Variants in NT5DC3 observed in about 807,000 individuals in gnomAD.
The protein encoded by NT5DC3 is 5'-nucleotidase domain-containing protein 3.
A neutral mutation model predicts 67.8 loss-of-function variants in NT5DC3; 42 were observed. That is an observed-to-expected ratio of 0.62 (90% CI 0.48 to 0.80). The LOEUF is 0.80. Among genes scored for constraint, NT5DC3 ranks in the 30% least tolerant of loss-of-function variants. NT5DC3 has a pLI of 0.00. For synonymous variants in NT5DC3, 237 were observed against 255.6 expected, an observed-to-expected ratio of 0.93 and a Z score of 0.69; for missense variants, 570 against 696.4, an observed-to-expected ratio of 0.82 and a Z score of 2.04.
the NT5DC3 span, among the ~76,000 whole-genome samples, chr12:103,756,993 G>GAAAAAAAAA: frequency 1.3e-4 from 2 of 15,270 alleles, no homozygotes; most frequent in African/African-American, 4.0e-4. Context: ...CAGAAGGAGG[G>GAAAAAAAAA]AAAATATATA....
rs563790849 is a variant in NT5DC3 at position 103,823,777 on chromosome 12, A to G, written c.209-8656T>C. On this transcript the variant is annotated intron_variant, in intron 1 of 13. Transcript: ENST00000392876. Reference sequence around the variant, plus strand: ...AAGCATAGGCATTTTTTGTTTCTACACTGAGGCAGTATTTACCCTTTCCAT... The same window carrying G: ...AAGCATAGGCATTTTTTGTTTCTACGCTGAGGCAGTATTTACCCTTTCCAT... Among the ~76,000 whole-genome samples the G allele has an allele frequency of 1.1e-4, 17 of 152,340 alleles. No homozygotes were observed. In the South Asian group the frequency reaches 3.5e-3, roughly 32 times the overall value.
intron 1 of NT5DC3, among the ~76,000 whole-genome samples, chr12:103,816,418 A>G (rs1887254826): frequency 6.6e-6 from 1 of 152,158 alleles, no homozygotes; most frequent in South Asian, 2.1e-4. Flanking sequence ...TTTCCTATTT[A>G]ATAAAAATAA....
At chr12:103,750,824 C>T in the NT5DC3 span, 1 of 1,419,480 alleles carries the variant, frequency 7.0e-7, no homozygotes, top group Non-Finnish European at 9.3e-7. Context: ...AGCCTGGTGG[C>T]TCAAGCCTGT....
chr12:103,797,918 A>G (rs74524744), intron 5 of NT5DC3, among the ~76,000 whole-genome samples: 14,243 of 152,272 alleles, frequency 0.094, 907 homozygotes, highest in East Asian at 0.25. Flanking sequence ...CAGAACATTT[A>G]TATTAGCCTA....
intron 6 of NT5DC3, among the ~76,000 whole-genome samples, chr12:103,795,695 ATATGT>A (rs1886281853): frequency 6.6e-6 from 1 of 151,994 alleles, no homozygotes; most frequent in Non-Finnish European, 1.5e-5. Flanking sequence ...ATTTTTATAA[ATATGT>A]TATAACTATG....
At chr12:103,781,856 A>G (rs1398324001) in intron 12 of NT5DC3, among the ~76,000 whole-genome samples, 2 of 152,220 alleles carry the variant, frequency 1.3e-5, no homozygotes, top group Non-Finnish European at 2.9e-5. Context: ...CACTTCAGCC[A>G]TCTCCATCTC....
At chr12:103,782,451 A>G (rs531403033) in intron 12 of NT5DC3, among the ~76,000 whole-genome samples, 1 of 152,358 alleles carries the variant, frequency 6.6e-6, no homozygotes, top group Admixed American at 6.5e-5. Flanking sequence ...GTTTATTGGG[A>G]CACAGCTACA....
intron 1 of NT5DC3, among the ~76,000 whole-genome samples, chr12:103,825,771 C>T (rs1052770124): frequency 2.0e-5 from 3 of 152,142 alleles, no homozygotes; most frequent in Non-Finnish European, 4.4e-5. Flanking sequence ...AAGACCCTAT[C>T]GAAGAGAAGA....
the NT5DC3 span, chr12:103,759,161 A>G: frequency 5.0e-6 from 8 of 1,614,090 alleles, no homozygotes; most frequent in Non-Finnish European, 5.9e-6. Flanking sequence ...ATCGAGCACC[A>G]CCTCGCCAAT....
chr12:103,838,085 A>T (rs1211247957), intron 1 of NT5DC3, among the ~76,000 whole-genome samples: 3 of 152,228 alleles, frequency 2.0e-5, no homozygotes. Context: ...TGGCGGCAGC[A>T]AGAGAATAAT....
the NT5DC3 span, among the ~76,000 whole-genome samples, chr12:103,751,325 C>T: frequency 0.018 from 2,763 of 152,166 alleles, 38 homozygotes; most frequent in South Asian, 0.029. Context: ...AGGATGAAGC[C>T]ATGAGGAAGA....
intron 1 of NT5DC3, among the ~76,000 whole-genome samples, chr12:103,834,010 G>A (rs1271492722): frequency 6.6e-6 from 1 of 152,052 alleles, no homozygotes; most frequent in African/African-American, 2.4e-5. Context: ...AACAGTTGAG[G>A]CCAGATAATT....
chr12:103,830,217 T>C (rs1887869440), intron 1 of NT5DC3, among the ~76,000 whole-genome samples: 1 of 152,246 alleles, frequency 6.6e-6, no homozygotes, highest in Non-Finnish European at 1.5e-5. Flanking sequence ...AGACATCATT[T>C]GCCTAAGGTC....
chr12:103,749,596 G>A, the NT5DC3 span, among the ~76,000 whole-genome samples: 5 of 151,486 alleles, frequency 3.3e-5, no homozygotes, highest in Admixed American at 6.6e-5. Flanking sequence ...TTGGGAGGCC[G>A]AGGCAGATGG....
chr12:103,751,563 G>A, the NT5DC3 span, among the ~76,000 whole-genome samples: 2 of 152,168 alleles, frequency 1.3e-5, no homozygotes, highest in African/African-American at 4.8e-5. Flanking sequence ...TCTAGGTACA[G>A]GGGCACTTCC....
intron 12 of NT5DC3, among the ~76,000 whole-genome samples, chr12:103,783,736 C>G (rs1162961113): frequency 6.6e-6 from 1 of 150,794 alleles, no homozygotes; most frequent in Non-Finnish European, 1.5e-5. Flanking sequence ...CTAAAACACA[C>G]ATTCCTTAGT....
At chr12:103,746,671 C>T in the NT5DC3 span, 1 of 1,614,038 alleles carries the variant, frequency 6.2e-7, no homozygotes, top group East Asian at 2.2e-5. Context: ...TGAGTGTAAC[C>T]TGGATTATGA....
chr12:103,779,611 C>T (rs1054818372), intron 13 of NT5DC3, among the ~76,000 whole-genome samples: 1 of 152,186 alleles, frequency 6.6e-6, no homozygotes, highest in African/African-American at 2.4e-5. Flanking sequence ...ACCCTGGAGT[C>T]AGGCTGCCCA....
intron 1 of NT5DC3, among the ~76,000 whole-genome samples, chr12:103,832,930 G>T (rs935197458): frequency 2.6e-5 from 4 of 152,074 alleles, no homozygotes; most frequent in Non-Finnish European, 5.9e-5. Context: ...TACTGCAAAT[G>T]TGTCTTTTTA....
Sources: allele counts gnomAD v4.1 joint callset (sites outside exome capture counted in the v4.1 genomes callset), GRCh38; gene constraint gnomAD v4.1.1; transcripts MANE v1.5; gene names NCBI Gene and HGNC (gene_info 2026-07-23, HGNC 2026-07-21).